The following SLC12A6 variants were observed in gnomAD, a reference collection of about 807,000 sequenced individuals.
SLC12A6 encodes the protein K-Cl cotransporter 3.
In SLC12A6, 66 loss-of-function variants were observed where a neutral mutation model predicts 135.3. The observed-to-expected ratio is 0.49, with a 90% confidence interval of 0.40 to 0.60. SLC12A6 has a LOEUF of 0.60. Among genes scored for constraint, SLC12A6 ranks in the 20% least tolerant of loss-of-function variants. The pLI is 0.00. For missense variants in SLC12A6, 1,058 were observed against 1,452.3 expected, an observed-to-expected ratio of 0.73 and a Z score of 4.41; for synonymous variants, 513 against 508.8, an observed-to-expected ratio of 1.01 and a Z score of -0.11.
intron 2 of SLC12A6, among the ~76,000 whole-genome samples, chr15:34,299,301 A>G (rs1896086086): frequency 6.6e-6 from 1 of 152,206 alleles, no homozygotes; most frequent in Non-Finnish European, 1.5e-5. Context: ...GCCCCTTTAT[A>G]TTTTAGTTTA....
intron 2 of SLC12A6, among the ~76,000 whole-genome samples, chr15:34,316,720 C>T (rs1011928918): frequency 6.6e-6 from 1 of 152,114 alleles, no homozygotes; most frequent in African/African-American, 2.4e-5. Flanking sequence ...ATGGCTTTTA[C>T]AGGTAGTTGC....
chr15:34,318,473 A>C, intron 2 of SLC12A6: 1 of 1,044,152 alleles, frequency 9.6e-7, no homozygotes, highest in Non-Finnish European at 1.5e-6. Context: ...TCTCTGTCCT[A>C]AAGAAGGCAT....
chr15:34,234,103 T>A, intron 25 of SLC12A6, 131 bp from the exon 26 acceptor site: 3 of 691,594 alleles, frequency 4.3e-6, no homozygotes, highest in Non-Finnish European at 2.7e-6. Context: ...CAGAAAAGTC[T>A]GAACTTTGGA....
At chr15:34,259,434 G>A (rs1206693853) in intron 4 of SLC12A6, among the ~76,000 whole-genome samples, 1 of 151,816 alleles carries the variant, frequency 6.6e-6, no homozygotes, top group Non-Finnish European at 1.5e-5. Flanking sequence ...AGGATCGCTT[G>A]AGCCCAGGCA....
chr15:34,236,397 G>A (rs779179740), intron 23 of SLC12A6, among the ~76,000 whole-genome samples, 198 bp from the exon 24 acceptor site: 1 of 152,012 alleles, frequency 6.6e-6, no homozygotes, highest in Non-Finnish European at 1.5e-5. Context: ...GCAGGCTGGA[G>A]TGCAGTGGCG....
chr15:34,235,006 C>T (rs1017964172), intron 25 of SLC12A6, among the ~76,000 whole-genome samples, 175 bp downstream of exon 25: 1 of 152,158 alleles, frequency 6.6e-6, no homozygotes, highest in Non-Finnish European at 1.5e-5. Flanking sequence ...CCCCAACTCC[C>T]CTAAAAGAGT....
At position 34,235,586 on chromosome 15, in the gene SLC12A6, CA is replaced by C. The variant is rs554651774; in HGVS notation, c.3228-273del. On this transcript the variant is annotated intron_variant, in intron 24 of 25. Coordinates refer to ENST00000354181, the MANE Select transcript of SLC12A6 (RefSeq NM_001365088.1). ...AGTAGCTGGGATTACAGGCCCCCAC[CA>C]CCATACCCGGCTAATTTTTTTTGTA... is the stretch of plus-strand genomic sequence containing the variant. Among the ~76,000 whole-genome samples the C allele has an allele frequency of 5.3e-3, 805 of 151,994 alleles. 12 individuals are homozygous for C. Among genetic ancestry groups the C allele is most frequent in the African/African-American group, 0.018 (751 of 41,420 alleles).
chr15:34,243,949 A>T, intron 16 of SLC12A6, 25 bp downstream of exon 16: 1 of 1,338,522 alleles, frequency 7.5e-7, no homozygotes, highest in Non-Finnish European at 1.1e-6. Context: ...AACGTGAGTA[A>T]AAAGAATAAA....
chr15:34,310,487 TG>T (rs1888116953), intron 2 of SLC12A6, among the ~76,000 whole-genome samples: 1 of 121,926 alleles, frequency 8.2e-6, no homozygotes, highest in African/African-American at 3.5e-5. Context: ...TGTGTGTGTG[TG>T]TGTGTGTATG....
At chr15:34,287,076 G>T (rs2140946492) in intron 2 of SLC12A6, among the ~76,000 whole-genome samples, 1 of 152,086 alleles carries the variant, frequency 6.6e-6, no homozygotes, top group East Asian at 1.9e-4. Context: ...ACGTGCCATG[G>T]TGGTTTGCTG....
chr15:34,325,025 T>C (rs902813642), intron 2 of SLC12A6, among the ~76,000 whole-genome samples: 9 of 152,200 alleles, frequency 5.9e-5, no homozygotes, highest in African/African-American at 9.7e-5. Context: ...TGCAAGTTTC[T>C]AAAAACTCAA....
chr15:34,264,740 C>G (rs1241001209), intron 3 of SLC12A6, among the ~76,000 whole-genome samples: 2 of 152,078 alleles, frequency 1.3e-5, no homozygotes, highest in Admixed American at 6.5e-5. Flanking sequence ...TAGGTAGGGT[C>G]TTCAAAACAG....
chr15:34,307,612 T>C (rs1451741012), intron 2 of SLC12A6, among the ~76,000 whole-genome samples: 1 of 152,226 alleles, frequency 6.6e-6, no homozygotes, highest in African/African-American at 2.4e-5. Context: ...TGTCCACCCA[T>C]TAATACCAAT....
At chr15:34,260,817 C>T (rs1893067762) in intron 4 of SLC12A6, 109 bp downstream of exon 4, 1 of 678,352 alleles carries the variant, frequency 1.5e-6, no homozygotes. Flanking sequence ...TTTCTTTTAA[C>T]ATTAAATTAT....
At position 34,235,684 on chromosome 15, in the gene SLC12A6, C is replaced by T. The variant is rs543145554; in HGVS notation, c.3227+331G>A. ...AACTCCTGACCTCAGGTGATCCACCCGCCTCTGCCTCCCAAAGTGCTGGGA... is the reference window on the plus strand; with the variant it reads ...AACTCCTGACCTCAGGTGATCCACCTGCCTCTGCCTCCCAAAGTGCTGGGA... On this transcript the variant is annotated intron_variant, in intron 24 of 25. Transcript: ENST00000354181. Among the ~76,000 whole-genome samples, 30 of 152,188 alleles carry T rather than the reference C, an allele frequency of 2.0e-4. No individual in the cohort carries two copies. In the South Asian group the frequency reaches 6.0e-3, roughly 30 times the overall value.
Position 34,245,886 on chromosome 15 carries a change from T to C in SLC12A6, c.1650-19A>G. On this transcript the variant is annotated intron_variant, in intron 13 of 25. Coordinates refer to ENST00000354181, the MANE Select transcript of SLC12A6 (RefSeq NM_001365088.1). ...ACCGAACCTGGGAAAGAAATAGGAG[T>C]GGGAAATTTAATCTGGAAATAACTT... The C allele has an allele frequency of 6.3e-7, 1 of 1,597,774 alleles. No individual in the cohort carries two copies. The highest frequency in any genetic ancestry group is 8.6e-7 in the Non-Finnish European group (1 of 1,165,478).
chr15:34,318,740 C>A, intron 2 of SLC12A6: 1 of 1,608,462 alleles, frequency 6.2e-7, no homozygotes, highest in South Asian at 1.1e-5. Flanking sequence ...TTAGTTTTCC[C>A]TGCCTACCTC....
chr15:34,300,789 G>A (rs112804111), intron 2 of SLC12A6, among the ~76,000 whole-genome samples: 10 of 98,416 alleles, frequency 1.0e-4, no homozygotes, highest in African/African-American at 5.5e-4. Context: ...GAGTGACTCC[G>A]TCTCAAAAAA....
Position 34,275,382 on chromosome 15 carries a change from A to C in SLC12A6, c.279T>G (p.Ser93Arg). ...TGTGTTCCCCTGTGATGGAGTTCTG[A>C]CTCAGGTCTGAAAAACAAACAATTG... is the stretch of plus-strand genomic sequence containing the variant. ...SHPQDVIEDLSQNSITGEHSQ... is the reference protein window; with the variant it reads ...SHPQDVIEDLRQNSITGEHSQ... Residue 93 changes from serine to arginine, a missense_variant, in exon 3 of 26, where the codon AGT (serine) becomes AGG (arginine). Ser to Arg is a moderately radical substitution (Grantham distance 110). This residue lies in a region of SLC12A6 where 176 missense variants were observed against 168.9 expected (regional missense o/e 1.04). Transcript: ENST00000354181. 1 of 1,521,010 alleles carries C rather than the reference A, an allele frequency of 6.6e-7. No homozygotes were observed. Among genetic ancestry groups the C allele is most frequent in the Non-Finnish European group, 9.1e-7 (1 of 1,095,844 alleles). The allele number at this position is 1,521,010 out of a possible 1,614,324, so 94.2% of individuals were successfully genotyped here.
Sources: allele counts gnomAD v4.1 joint callset (sites outside exome capture counted in the v4.1 genomes callset), GRCh38; gene constraint gnomAD v4.1.1; regional missense constraint gnomAD v4.1.1; transcripts MANE v1.5; gene names NCBI Gene and HGNC (gene_info 2026-07-23, HGNC 2026-07-21).